Variants in FRMD4B observed in about 807,000 individuals in gnomAD.
The protein encoded by FRMD4B is FERM domain containing 4B, also known as FERM domain-containing protein 4B.
Under a neutral mutation model 141.5 loss-of-function variants are expected in FRMD4B, and 74 were observed. The observed-to-expected ratio is 0.52, with a 90% CI of 0.43 to 0.63. The LOEUF (loss-of-function observed/expected upper bound fraction) is 0.63, where lower values mean the gene tolerates loss of function less well. Among genes scored for constraint, FRMD4B ranks in the 30% least tolerant of loss-of-function variants. The probability of loss-of-function intolerance (pLI) is 0.00; values close to 1 mark genes in which losing one functional copy is unlikely to be tolerated. For synonymous variants in FRMD4B, 506 were observed against 467.9 expected (o/e 1.08, Z -1.05); for missense variants, 1,366 against 1,253.4 (o/e 1.09, Z -1.36).
chr3:69,407,506 T>C lies in FRMD4B; in HGVS notation c.-1+25128A>G, dbSNP rs564802147. On this transcript the variant is annotated intron_variant, in intron 2 of 5. Coordinates refer to the FRMD4B transcript ENST00000459638. Reference sequence around the variant, plus strand: ...TGCTTAATCTAAGAAACAGAAACAGTGAATTAAGTTTCAACTCCGGACTTA... The same window carrying C: ...TGCTTAATCTAAGAAACAGAAACAGCGAATTAAGTTTCAACTCCGGACTTA... Among the ~76,000 whole-genome samples, 21 of 152,262 alleles carry C rather than the reference T, an allele frequency of 1.4e-4. 1 individual carries two copies. The South Asian group carries it at 3.5e-3, about 26-fold the overall frequency.
chr3:69,253,750 C>T (rs928859131), intron 5 of FRMD4B, among the ~76,000 whole-genome samples: 3 of 152,122 alleles, frequency 2.0e-5, no homozygotes, highest in Non-Finnish European at 4.4e-5. Flanking sequence ...CCTTGCACCT[C>T]TCTAGTACTA....
chr3:69,185,436 AT>A (rs1480970588), intron 19 of FRMD4B, among the ~76,000 whole-genome samples: 2 of 152,090 alleles, frequency 1.3e-5, no homozygotes, highest in African/African-American at 2.4e-5. Context: ...CTTTATTTAA[AT>A]TTTTTTAATT....
intron 2 of FRMD4B, among the ~76,000 whole-genome samples, chr3:69,427,812 C>T (rs1043060241): frequency 5.9e-5 from 9 of 151,904 alleles, no homozygotes; most frequent in Admixed American, 2.6e-4. Context: ...TGTGCCACCA[C>T]GCCCAGCTAA....
At position 69,217,150 on chromosome 3, in the gene FRMD4B, A is replaced by G. The variant is rs529603201; in HGVS notation, c.790-801T>C. Reference sequence around the variant, plus strand: ...GAAAACCCTTTTGGAGAACTGTACAATTCAATGACAGGATGTTTGAATAAT... The same window carrying G: ...GAAAACCCTTTTGGAGAACTGTACAGTTCAATGACAGGATGTTTGAATAAT... On this transcript the variant is annotated intron_variant, in intron 10 of 22. Coordinates refer to ENST00000398540, the MANE Select transcript of FRMD4B (RefSeq NM_015123.3). Among the ~76,000 whole-genome samples the G allele has an allele frequency of 3.4e-4, 52 of 152,366 alleles. No homozygotes were observed. In the South Asian group the frequency reaches 0.011, roughly 32 times the overall value.
intron 19 of FRMD4B, among the ~76,000 whole-genome samples, chr3:69,185,530 G>A (rs910558945): frequency 1.2e-4 from 18 of 152,014 alleles, no homozygotes; most frequent in African/African-American, 3.9e-4. Context: ...CAGATCACAA[G>A]CTTTGGATCC....
At chr3:69,318,704 T>C (rs1701888318) in intron 1 of FRMD4B, among the ~76,000 whole-genome samples, 1 of 152,232 alleles carries the variant, frequency 6.6e-6, no homozygotes, top group Non-Finnish European at 1.5e-5. Context: ...AAGTGATGGA[T>C]GTATTTTGTT....
chr3:69,540,676 CA>C, intron 1 of FRMD4B, among the ~76,000 whole-genome samples: 1 of 125,962 alleles, frequency 7.9e-6, no homozygotes, highest in Non-Finnish European at 1.6e-5. Context: ...CACACACACA[CA>C]CACACACACA....
In FRMD4B at chr3:69,206,555, T is replaced by A. The variant is rs189733718; in HGVS notation, c.877-7781A>T. ...ACCTTCCAGAGCTGATGTAATGACA[T>A]CCTGTTAAGACTCTCGTTAGCGTGC... On this transcript the variant is annotated intron_variant, in intron 11 of 22. Transcript: ENST00000398540. Among the ~76,000 whole-genome samples, 18 of 152,282 alleles carry A rather than the reference T, an allele frequency of 1.2e-4. No homozygotes were observed. The South Asian group carries it at 1.2e-3, about 11-fold the overall frequency.
chr3:69,189,190 C>CTAGCCTGG (rs2092807429), intron 18 of FRMD4B, among the ~76,000 whole-genome samples: 1 of 128,556 alleles, frequency 7.8e-6, no homozygotes, highest in South Asian at 2.6e-4. Context: ...CCAGTGCACT[C>CTAGCCTGG]TAGCCTGGGC....
intron 1 of FRMD4B, among the ~76,000 whole-genome samples, chr3:69,354,323 G>A (rs982200205): frequency 6.6e-6 from 1 of 151,804 alleles, no homozygotes; most frequent in African/African-American, 2.4e-5. Flanking sequence ...ATAGAATACT[G>A]GAAAAATAAT....
At chr3:69,267,421 A>C (rs1017648774) in intron 5 of FRMD4B, among the ~76,000 whole-genome samples, 1 of 152,044 alleles carries the variant, frequency 6.6e-6, no homozygotes, top group African/African-American at 2.4e-5. Context: ...GAGCAATTTG[A>C]ATAAAGACTG....
chr3:69,335,094 A>C (rs1312515686), intron 1 of FRMD4B, among the ~76,000 whole-genome samples: 2 of 152,148 alleles, frequency 1.3e-5, no homozygotes, highest in African/African-American at 4.8e-5. Flanking sequence ...GGCTGCAGTG[A>C]GCTATGAGTT....
intron 5 of FRMD4B, among the ~76,000 whole-genome samples, chr3:69,283,029 A>G (rs544683887): frequency 6.6e-6 from 1 of 152,170 alleles, no homozygotes; most frequent in African/African-American, 2.4e-5. Flanking sequence ...AGTGCCTTAC[A>G]ATATTATGTT....
chr3:69,242,327 G>C (rs544847309), intron 7 of FRMD4B, among the ~76,000 whole-genome samples: 62 of 152,058 alleles, frequency 4.1e-4, no homozygotes, highest in African/African-American at 1.5e-3. Context: ...TGACGGTAAA[G>C]ACTCTGGAAA....
At chr3:69,525,333 T>C (rs565996840) in intron 1 of FRMD4B, among the ~76,000 whole-genome samples, 17 of 152,108 alleles carry the variant, frequency 1.1e-4, no homozygotes, top group Admixed American at 5.9e-4. Flanking sequence ...GCTGGGTCTT[T>C]GTGCTGAAAA....
intron 19 of FRMD4B, among the ~76,000 whole-genome samples, chr3:69,186,228 CTTTTT>C (rs1202005456): frequency 7.5e-6 from 1 of 132,930 alleles, no homozygotes; most frequent in Non-Finnish European, 1.6e-5. Context: ...TTGAACATTT[CTTTTT>C]TTTTTCTTTT....
At chr3:69,417,240 C>T (rs573074226) in intron 2 of FRMD4B, among the ~76,000 whole-genome samples, 1 of 152,302 alleles carries the variant, frequency 6.6e-6, no homozygotes, top group African/African-American at 2.4e-5. Flanking sequence ...TAACGATCAC[C>T]ATTCTAACTG....
chr3:69,265,585 C>A (rs1212621159), intron 5 of FRMD4B, among the ~76,000 whole-genome samples: 1 of 150,616 alleles, frequency 6.6e-6, no homozygotes, highest in Non-Finnish European at 1.5e-5. Context: ...GTAGCTGGGA[C>A]TATAGGCGCC....
At chr3:69,212,381 G>GAAAAAAAAAAAGAA (rs2093094078) in intron 11 of FRMD4B, among the ~76,000 whole-genome samples, 1 of 95,598 alleles carries the variant, frequency 1.0e-5, no homozygotes, top group Non-Finnish European at 1.9e-5. Context: ...AAAAAAAAAA[G>GAAAAAAAAAAAGAA]AAAAAAAAAA....
Sources: allele counts gnomAD v4.1 joint callset (sites outside exome capture counted in the v4.1 genomes callset), GRCh38; gene constraint gnomAD v4.1.1; transcripts MANE v1.5; gene names NCBI Gene and HGNC (gene_info 2026-07-23, HGNC 2026-07-21).